PREX2: variants seen among roughly 807,000 people sequenced by gnomAD.
PREX2 encodes the protein phosphatidylinositol 3,4,5-trisphosphate-dependent Rac exchanger 2 protein.
In PREX2, 107 loss-of-function variants were observed where a neutral mutation model predicts 203.2. That is an observed-to-expected ratio of 0.53 (90% CI 0.45 to 0.62). The LOEUF (loss-of-function observed/expected upper bound fraction) is 0.62, where lower values mean the gene tolerates loss of function less well. PREX2 is among the 20% of genes least tolerant of loss of function. The pLI is 0.00. For missense variants in PREX2, 1,777 were observed against 1,955.9 expected, an observed-to-expected ratio of 0.91 and a Z score of 1.72; for synonymous variants, 672 against 663.6, an observed-to-expected ratio of 1.01 and a Z score of -0.19.
At chr8:68,223,626 C>A (rs1243461091) in intron 38 of PREX2, among the ~76,000 whole-genome samples, 1 of 152,016 alleles carries the variant, frequency 6.6e-6, no homozygotes, top group East Asian at 1.9e-4. Flanking sequence ...CTCTCCTTAA[C>A]CTTTTCCAAA....
intron 39 of PREX2, among the ~76,000 whole-genome samples, chr8:68,225,219 T>G (rs908958754): frequency 1.9e-4 from 29 of 152,236 alleles, no homozygotes; most frequent in African/African-American, 6.8e-4. Flanking sequence ...CTCATCATAG[T>G]AAACATCAAA....
chr8:68,050,564 A>G (rs1203644761), intron 8 of PREX2, among the ~76,000 whole-genome samples: 3 of 152,184 alleles, frequency 2.0e-5, no homozygotes, highest in Admixed American at 2.0e-4. Flanking sequence ...GGGGATTACA[A>G]TTTGACATGA....
rs147196935 is a variant in PREX2 at position 68,036,012 on chromosome 8, A to T, written c.706-2147A>T. On this transcript the variant is annotated intron_variant, in intron 6 of 39. Transcript: ENST00000288368. ...ACTAAACTGATGGTTTGGGTTGCTT[A>T]TGAAAAGAAATGTTGACCTTAAAGA... is the stretch of plus-strand genomic sequence containing the variant. 4.3e-3 allele frequency among the ~76,000 whole-genome samples: 649 copies of T among 152,322 alleles called. 4 individuals are homozygous for T. The highest frequency in any genetic ancestry group is 0.015 in the African/African-American group (620 of 41,578).
At chr8:68,018,131 G>GTT (rs111503892) in intron 2 of PREX2, among the ~76,000 whole-genome samples, 10 of 148,762 alleles carry the variant, frequency 6.7e-5, no homozygotes, top group African/African-American at 2.5e-4. Flanking sequence ...TCATAGAGTT[G>GTT]TTTTTTTTTT....
intron 33 of PREX2, among the ~76,000 whole-genome samples, chr8:68,138,862 A>C (rs1306542839): frequency 6.6e-6 from 1 of 152,118 alleles, no homozygotes; most frequent in Non-Finnish European, 1.5e-5. Flanking sequence ...TTTTTTCAAA[A>C]GTATGAGTAT....
intron 37 of PREX2, among the ~76,000 whole-genome samples, chr8:68,195,103 A>G (rs148098569): frequency 1.1e-3 from 169 of 152,318 alleles, no homozygotes; most frequent in African/African-American, 3.9e-3. Flanking sequence ...CTGAAAGGTA[A>G]TTCAGTTAAA....
intron 18 of PREX2, among the ~76,000 whole-genome samples, chr8:68,087,106 A>C (rs1293643893): frequency 6.6e-6 from 1 of 152,150 alleles, no homozygotes. Flanking sequence ...TACCAAGGTT[A>C]TTTCTTTTTA....
intron 23 of PREX2, among the ~76,000 whole-genome samples, chr8:68,101,093 T>A (rs944198926): frequency 6.6e-6 from 1 of 152,182 alleles, no homozygotes; most frequent in African/African-American, 2.4e-5. Context: ...CCAAATGAAG[T>A]TGGTTGCTTA....
intron 38 of PREX2, among the ~76,000 whole-genome samples, chr8:68,222,579 A>G (rs569111120): frequency 6.6e-6 from 1 of 152,282 alleles, no homozygotes; most frequent in Non-Finnish European, 1.5e-5. Flanking sequence ...ATTCCAGTCC[A>G]TAAACAAAAC....
intron 25 of PREX2, among the ~76,000 whole-genome samples, chr8:68,109,876 A>G (rs1351722553): frequency 1.3e-5 from 2 of 152,198 alleles, no homozygotes; most frequent in African/African-American, 2.4e-5. Context: ...AGGATACTAA[A>G]TGAGTCTCAG....
chr8:68,016,121 G>C (rs890503234), intron 1 of PREX2, among the ~76,000 whole-genome samples: 2 of 152,128 alleles, frequency 1.3e-5, no homozygotes, highest in Non-Finnish European at 2.9e-5. Flanking sequence ...TTTGATATAA[G>C]TTATAACATG....
intron 1 of PREX2, among the ~76,000 whole-genome samples, chr8:68,015,665 T>C (rs1807390272): frequency 6.6e-6 from 1 of 152,142 alleles, no homozygotes; most frequent in African/African-American, 2.4e-5. Context: ...AAATGTAAAC[T>C]ATGTAAACTA....
rs370327402 is a variant in PREX2 at position 68,073,139 on chromosome 8, A to G, written c.1569+569A>G. 2.5e-4 allele frequency among the ~76,000 whole-genome samples: 38 copies of G among 151,742 alleles called. 1 individual carries two copies. The South Asian group carries it at 6.9e-3, about 27-fold the overall frequency. ...AAATTAGGGCATCCTTTCCATCATA[A>G]GAGACATTCAACCATAAATTATTCC... On this transcript the variant is annotated intron_variant, in intron 14 of 39. Transcript: ENST00000288368.
chr8:67,972,386 T>C (rs916313584), intron 1 of PREX2, among the ~76,000 whole-genome samples: 1 of 152,258 alleles, frequency 6.6e-6, no homozygotes, highest in African/African-American at 2.4e-5. Context: ...TCTCATTGCC[T>C]CTTGCAGCTC....
At chr8:68,169,263 C>A (rs187458985) in intron 35 of PREX2, among the ~76,000 whole-genome samples, 4 of 152,160 alleles carry the variant, frequency 2.6e-5, no homozygotes, top group South Asian at 2.1e-4. Context: ...AGGCAATCAG[C>A]CAGACCCAGG....
At chr8:68,048,212 A>C (rs544752888) in intron 8 of PREX2, among the ~76,000 whole-genome samples, 33 of 152,204 alleles carry the variant, frequency 2.2e-4, no homozygotes, top group African/African-American at 7.7e-4. Flanking sequence ...TCATGATGCT[A>C]TAAAGAAAAT....
At chr8:68,171,883 T>A (rs1314944964) in intron 35 of PREX2, among the ~76,000 whole-genome samples, 1 of 152,148 alleles carries the variant, frequency 6.6e-6, no homozygotes, top group Admixed American at 6.5e-5. Context: ...GTCCTTAAAT[T>A]TTTTTTATTT....
At chr8:68,079,398 A>T (rs912744325) in intron 15 of PREX2, among the ~76,000 whole-genome samples, 1 of 152,192 alleles carries the variant, frequency 6.6e-6, no homozygotes, top group South Asian at 2.1e-4. Context: ...AGTTATTTAT[A>T]TTTATTACCT....
At chr8:68,065,938 G>T (rs1809004295) in intron 11 of PREX2, among the ~76,000 whole-genome samples, 1 of 152,084 alleles carries the variant, frequency 6.6e-6, no homozygotes, top group Non-Finnish European at 1.5e-5. Context: ...AATATTTATG[G>T]TATACAACAT....
Sources: allele counts gnomAD v4.1 joint callset (sites outside exome capture counted in the v4.1 genomes callset), GRCh38; gene constraint gnomAD v4.1.1; transcripts MANE v1.5; gene names NCBI Gene and HGNC (gene_info 2026-07-23, HGNC 2026-07-21).